Variants in UTP14C observed in about 807,000 individuals in gnomAD.
UTP14C encodes UTP14C small subunit processome component.
A neutral mutation model predicts 14.6 loss-of-function variants in UTP14C; 10 were observed. The ratio of observed to expected loss-of-function variants is 0.68; its 90% CI spans 0.42 to 1.16. The LOEUF (loss-of-function observed/expected upper bound fraction) is 1.16, where lower values mean the gene tolerates loss of function less well. Ranked by LOEUF, UTP14C falls within the 50% of genes most tolerant of loss-of-function variation. The probability of loss-of-function intolerance (pLI) is 0.00; values close to 1 mark genes in which losing one functional copy is unlikely to be tolerated. For synonymous variants in UTP14C, 315 were observed against 331.6 expected, an observed-to-expected ratio of 0.95 and a Z score of 0.54; for missense variants, 818 against 890.8, an observed-to-expected ratio of 0.92 and a Z score of 1.04.
chr13:52,030,326 ACT>A lies in UTP14C; in HGVS notation c.1525_1526del (p.Leu509GlyfsTer15), dbSNP rs771660114. 6.8e-6 allele frequency: 11 copies of A among 1,614,158 alleles called. No homozygotes were observed. Among genetic ancestry groups the A allele is most frequent in the Non-Finnish European group, 1.7e-6 (2 of 1,180,022 alleles). ...GCTACAGAGGTCAGAGAGAGTACAA[ACT>A]CTGGAAGAGCTAGAAGAGCTGGGAA... ...LLLQRSERVQ[T>X]LEELEELGKE... On this transcript the variant is annotated frameshift_variant, in exon 2 of 2. Transcript: ENST00000521776. LOFTEE classifies it low-confidence loss of function (END_TRUNC).
At position 52,030,900 on chromosome 13, in the gene UTP14C, A is replaced by G; in HGVS notation, c.2096A>G (p.Gln699Arg). 6.2e-7 allele frequency: 1 copy of G among 1,614,224 alleles called. No individual in the cohort carries two copies. Among genetic ancestry groups the G allele is most frequent in the Admixed American group, 1.7e-5 (1 of 60,026 alleles). The change falls in exon 2 of 2, where the codon CAG becomes CGG. Residue 699 changes from glutamine (Q) to arginine (R), a missense_variant. Physicochemically the swap from Gln to Arg is conservative, Grantham distance 43. Transcript: ENST00000521776. ...CATCGGCAATTTGAAAGGACCATCCAGACCCCTATAGGATCCACATGGAAC... is the reference window on the plus strand; with the variant it reads ...CATCGGCAATTTGAAAGGACCATCCGGACCCCTATAGGATCCACATGGAAC... ...THHRQFERTI[Q>R]TPIGSTWNTQ...
Position 52,029,444 on chromosome 13 carries a change from A to G in UTP14C, c.640A>G (p.Met214Val). ...TPMEKASLQA[M>V]SLEEAKMHRA... ...CATGGAAAAGGCCTCTCTCCAAGCC[A>G]TGAGCCTGGAAGAGGCAAAGATGCA... Residue 214 changes from methionine to valine, a missense_variant, in exon 2 of 2, where the codon ATG (methionine) becomes GTG (valine). By Grantham distance (21) the Met-to-Val change is conservative. Transcript: ENST00000521776. The G allele has an allele frequency of 1.2e-6, 2 of 1,614,238 alleles. No homozygotes were observed. The highest frequency in any genetic ancestry group is 1.7e-6 in the Non-Finnish European group (2 of 1,180,052).
chr13:52,031,521 G>T lies in UTP14C; in HGVS notation c.*416G>T. The stretch of plus-strand genomic sequence containing the variant: ...TCCATACTAGGTACTGGTGAAAATT[G>T]TTTTTGTTTATGCTGTCAGCACATT... On this transcript the variant is annotated 3_prime_UTR_variant, in exon 2 of 2. Coordinates refer to ENST00000521776, the MANE Select transcript of UTP14C (RefSeq NM_021645.6). 5.4e-6 allele frequency: 1 copy of T among 184,192 alleles called. No homozygotes were observed. Among genetic ancestry groups the T allele is most frequent in the Admixed American group, 5.6e-5 (1 of 17,988 alleles). 11.4% of individuals were successfully genotyped at this position (184,192 alleles called of 1,614,324 possible). A position where few individuals can be genotyped will look rare whatever the true frequency, so the allele number is the denominator to read the frequency against.
chr13:52,027,335 T>TA (rs1954250857), intron 1 of UTP14C, among the ~76,000 whole-genome samples: 1 of 152,006 alleles, frequency 6.6e-6, no homozygotes, highest in Admixed American at 6.5e-5. Context: ...TCCTAGCTGA[T>TA]AGGAAGGAGC....
At chr13:52,026,242 G>A (rs1009864272) in intron 1 of UTP14C, among the ~76,000 whole-genome samples, 1 of 152,216 alleles carries the variant, frequency 6.6e-6, no homozygotes, top group Non-Finnish European at 1.5e-5. Flanking sequence ...AGGTTAGCCA[G>A]GAGAGAGGGG....
chr13:52,028,885 G>A lies in UTP14C; in HGVS notation c.81G>A (p.Leu27=), dbSNP rs1954268629. 6.2e-7 allele frequency: 1 copy of A among 1,614,228 alleles called. No homozygotes were observed. Among genetic ancestry groups the A allele is most frequent in the Non-Finnish European group, 8.5e-7 (1 of 1,180,034 alleles). ...TGGATTTGCCAAAAAACTACCCCTT[G>A]AGTGAAAATGAAGATGAGGGGGACA... ...ELVDLPKNYP[L]SENEDEGDSD... The change falls in exon 2 of 2, where the codon TTG becomes TTA. Residue 27 remains leucine, a synonymous_variant. Coordinates refer to ENST00000521776, the MANE Select transcript of UTP14C (RefSeq NM_021645.6).
Position 52,029,877 on chromosome 13 carries a change from A to T in UTP14C, c.1073A>T (p.His358Leu), listed in dbSNP as rs1178935490. 6.2e-7 allele frequency: 1 copy of T among 1,614,216 alleles called. No individual in the cohort carries two copies. Among genetic ancestry groups the T allele is most frequent in the East Asian group, 2.2e-5 (1 of 44,878 alleles). Residue 358 changes from histidine (H) to leucine (L), a missense_variant, in exon 2 of 2, where the codon CAT (histidine) becomes CTT (leucine). By Grantham distance (99) the His-to-Leu change is moderately conservative. Transcript: ENST00000521776. Reference protein sequence around the residue: ...GTEVEELLVPHVANEVQMNVD... With the variant: ...GTEVEELLVPLVANEVQMNVD... ...GAAGTGGAAGAACTCCTTGTCCCTC[A>T]TGTAGCGAATGAAGTGCAGATGAAT...
In UTP14C at chr13:52,030,925, C is replaced by G. The variant is rs1342284511; in HGVS notation, c.2121C>G (p.Asn707Lys). ...AGACCCCTATAGGATCCACATGGAA[C>G]ACCCAGAGGGCTTTCCAAAAGCTGA... ...TIQTPIGSTWNTQRAFQKLTT... is the reference protein window; with the variant it reads ...TIQTPIGSTWKTQRAFQKLTT... The change falls in exon 2 of 2, where the codon AAC (asparagine) becomes AAG (lysine). Residue 707 changes from asparagine to lysine, a missense_variant. Physicochemically the swap from Asn to Lys is moderately conservative, Grantham distance 94. Transcript: ENST00000521776. The G allele has an allele frequency of 6.2e-6, 10 of 1,614,068 alleles. No individual in the cohort carries two copies. In the African/African-American group the frequency reaches 1.3e-4, roughly 22 times the overall value.
Position 52,031,472 on chromosome 13 carries a change from GC to G in UTP14C, c.*369del. On this transcript the variant is annotated 3_prime_UTR_variant, in exon 2 of 2. Transcript: ENST00000521776. The stretch of plus-strand genomic sequence containing the variant: ...TATAGGTGTGTGTAGGGTGGTAGAG[GC>G]CAAGGTGCTGCCAGCAATCCTTTCC... 1 of 204,440 alleles carries G rather than the reference GC, an allele frequency of 4.9e-6. No homozygotes were observed. Among genetic ancestry groups the G allele is most frequent in the Middle Eastern group, 2.3e-3 (1 of 438 alleles). The allele number at this position is 204,440 out of a possible 1,614,324, so 12.7% of individuals were successfully genotyped here.
chr13:52,025,756 G>C (rs941122391), intron 1 of UTP14C, among the ~76,000 whole-genome samples: 1 of 152,188 alleles, frequency 6.6e-6, no homozygotes, highest in African/African-American at 2.4e-5. Context: ...TTTCTCAAGC[G>C]CTTTGTGCCT....
chr13:52,027,061 A>T (rs1018001338), intron 1 of UTP14C, among the ~76,000 whole-genome samples: 3 of 152,190 alleles, frequency 2.0e-5, no homozygotes, highest in African/African-American at 4.8e-5. Context: ...GAGAGGGCAC[A>T]GATTCCGATG....
Position 52,029,277 on chromosome 13 carries a change from T to C in UTP14C, c.473T>C (p.Phe158Ser), listed in dbSNP as rs1346698194. 2 of 1,614,204 alleles carry C rather than the reference T, an allele frequency of 1.2e-6. No homozygotes were observed. The highest frequency in any genetic ancestry group is 4.5e-5 in the East Asian group (2 of 44,880). The change falls in exon 2 of 2, where the codon TTT becomes TCT. Residue 158 changes from phenylalanine to serine, a missense_variant. Physicochemically the swap from Phe to Ser is radical, Grantham distance 155 (BLOSUM62 -2). Transcript: ENST00000521776. The stretch of plus-strand genomic sequence containing the variant: ...AACCAGCAGGCAGAGCAGCTGGTTT[T>C]TCCCCTGGGGAAGGAGCAGCCAGCC... ...LKNQQAEQLV[F>S]PLGKEQPAIA...
rs1213609528 is a variant in UTP14C, at chr13:52,028,934, A to G, written c.130A>G (p.Lys44Glu). 1 of 1,614,244 alleles carries G rather than the reference A, an allele frequency of 6.2e-7. No homozygotes were observed. ...GDSDGERKHQ[K>E]LLEAIISLDG... ...CAGTGATGGAGAGAGAAAGCATCAAAAGCTTCTGGAAGCAATCATTTCCCT... is the reference window on the plus strand; with the variant it reads ...CAGTGATGGAGAGAGAAAGCATCAAGAGCTTCTGGAAGCAATCATTTCCCT... Residue 44 changes from lysine to glutamate, a missense_variant, in exon 2 of 2, where the codon AAG (lysine) becomes GAG (glutamate). By Grantham distance (56) the Lys-to-Glu change is moderately conservative. Coordinates refer to ENST00000521776, the MANE Select transcript of UTP14C (RefSeq NM_021645.6).
At chr13:52,027,056 G>C (rs1309071941) in intron 1 of UTP14C, among the ~76,000 whole-genome samples, 1 of 152,088 alleles carries the variant, frequency 6.6e-6, no homozygotes, top group African/African-American at 2.4e-5. Context: ...GAATGGAGAG[G>C]GCACAGATTC....
rs1041758997 is a variant in UTP14C, at chr13:52,029,923, G to A, written c.1119G>A (p.Trp373Ter). ...TGAATGTGGACGGACCGAATCCCTG[G>A]ATGTTCAGGAGCTGCACCAGTGACA... ...VQMNVDGPNP[W>*]MFRSCTSDTK... Residue 373 changes from tryptophan (W) to a stop codon, truncating the protein, a stop_gained, in exon 2 of 2, where the codon TGG (tryptophan) becomes TGA (stop). Transcript: ENST00000521776. LOFTEE classifies it low-confidence loss of function (END_TRUNC). 1.9e-6 allele frequency: 3 copies of A among 1,614,092 alleles called. No individual in the cohort carries two copies. Among genetic ancestry groups the A allele is most frequent in the African/African-American group, 2.7e-5 (2 of 74,928 alleles).
At position 52,029,379 on chromosome 13, in the gene UTP14C, A is replaced by G. The variant is rs978706850; in HGVS notation, c.575A>G (p.His192Arg). The change falls in exon 2 of 2, where the codon CAT (histidine) becomes CGT (arginine). Residue 192 changes from histidine (H) to arginine (R), a missense_variant. Coordinates refer to ENST00000521776, the MANE Select transcript of UTP14C (RefSeq NM_021645.6). Reference protein sequence around the residue: ...PLEQEIFNLLHKNKQPVTDPL... With the variant: ...PLEQEIFNLLRKNKQPVTDPL... ...GAGCAGGAAATTTTTAACCTCCTCC[A>G]TAAGAACAAGCAGCCAGTGACAGAT... The G allele has an allele frequency of 4.3e-6, 7 of 1,614,024 alleles. No homozygotes were observed. The highest frequency in any genetic ancestry group is 4.2e-6 in the Non-Finnish European group (5 of 1,180,044).
rs1954295646 is a variant in UTP14C, at chr13:52,030,805, T to C, written c.2001T>C (p.Ile667=). 1.2e-6 allele frequency: 2 copies of C among 1,614,170 alleles called. No individual in the cohort carries two copies. Among genetic ancestry groups the C allele is most frequent in the Non-Finnish European group, 1.7e-6 (2 of 1,180,040 alleles). Residue 667 remains isoleucine, a synonymous_variant, in exon 2 of 2, where the codon ATT becomes ATC. Coordinates refer to ENST00000521776, the MANE Select transcript of UTP14C (RefSeq NM_021645.6). ...PRKDKNLPNV[I]ISEKRNIHAA... ...AAGATAAGAATTTGCCAAATGTGAT[T>C]ATCAGTGAGAAGCGCAACATCCACG...
At chr13:52,026,087 C>T (rs980303119) in intron 1 of UTP14C, among the ~76,000 whole-genome samples, 1 of 152,214 alleles carries the variant, frequency 6.6e-6, no homozygotes, top group South Asian at 2.1e-4. Context: ...AGTGCCGTGC[C>T]GTGCTGTGCC....
rs1438497252 is a variant in UTP14C, at chr13:52,028,448, C to G, written c.-357C>G. 3 of 1,614,034 alleles carry G rather than the reference C, an allele frequency of 1.9e-6. No homozygotes were observed. Among genetic ancestry groups the G allele is most frequent in the African/African-American group, 1.3e-5 (1 of 74,924 alleles). On this transcript the variant is annotated 5_prime_UTR_variant, in exon 2 of 2. Coordinates refer to ENST00000521776, the MANE Select transcript of UTP14C (RefSeq NM_021645.6). ...CTGGCTGAGAGTGAAGAAGACTATG[C>G]TGAAACTATCGCTCACATTCTTTCC...
Sources: gnomAD v4.1 joint callset for allele counts (sites outside exome capture counted in the v4.1 genomes callset) on GRCh38, gnomAD v4.1.1 for gene constraint, MANE v1.5 for transcripts, NCBI Gene and HGNC (gene_info 2026-07-23, HGNC 2026-07-21) for gene names.